Variants in NAV1 observed in about 807,000 individuals in gnomAD.
NAV1 encodes the protein pore membrane and/or filament interacting like protein 3.
Under a neutral mutation model 175.2 loss-of-function variants are expected in NAV1, and 18 were observed. That is an observed-to-expected ratio of 0.10 (90% CI 0.07 to 0.15). The LOEUF is 0.15. NAV1 is among the 10% of genes least tolerant of loss of function. The probability of loss-of-function intolerance (pLI) is 1.00; values close to 1 mark genes in which losing one functional copy is unlikely to be tolerated. For synonymous variants in NAV1, 897 were observed against 978.7 expected, an observed-to-expected ratio of 0.92 and a Z score of 1.56; for missense variants, 1,731 against 2,436.6, an observed-to-expected ratio of 0.71 and a Z score of 6.10.
intron 1 of NAV1, among the ~76,000 whole-genome samples, chr1:201,689,961 G>A (rs1303760162): frequency 3.3e-5 from 5 of 151,714 alleles, no homozygotes; most frequent in South Asian, 2.1e-4. Flanking sequence ...GCCTGTCTGT[G>A]GCAGAATGCT....
At chr1:201,544,263 A>G (rs536119020) in intron 1 of NAV1, among the ~76,000 whole-genome samples, 2 of 152,262 alleles carry the variant, frequency 1.3e-5, no homozygotes, top group African/African-American at 4.8e-5. Flanking sequence ...GGTTAGAACT[A>G]CTCAATGGTT....
At chr1:201,640,841 G>A (rs1408984765) in intron 2 of NAV1, among the ~76,000 whole-genome samples, 1 of 152,128 alleles carries the variant, frequency 6.6e-6, no homozygotes, top group African/African-American at 2.4e-5. Flanking sequence ...TTAATCAATC[G>A]TCATTCACCA....
chr1:201,603,080 C>A (rs1558014512), intron 2 of NAV1, among the ~76,000 whole-genome samples: 1 of 152,200 alleles, frequency 6.6e-6, no homozygotes, highest in Non-Finnish European at 1.5e-5. Context: ...TGGCGTGAAC[C>A]TAGAAGCTGG....
chr1:201,676,887 T>G (rs977094294), intron 1 of NAV1, among the ~76,000 whole-genome samples: 1 of 152,172 alleles, frequency 6.6e-6, no homozygotes, highest in African/African-American at 2.4e-5. Context: ...CATTCTTGAT[T>G]GTCTTTAAAC....
Position 201,539,246 on chromosome 1 carries a change from T to C in NAV1, c.-240T>C, listed in dbSNP as rs889606117. ...TGGGGAGCCCCGGGAAACTTTGTGC[T>C]CGCGAGAAGCGGACCCCGCACCCGC... On this transcript the variant is annotated 5_prime_UTR_variant, in exon 1 of 34. Transcript: ENST00000685211. This position sits in a 1 kb window ranked among gnomAD's most constrained non-coding sequence, Gnocchi z 5.6. Among the ~76,000 whole-genome samples the C allele has an allele frequency of 1.2e-4, 19 of 152,204 alleles. No homozygotes were observed. The highest frequency in any genetic ancestry group is 4.3e-4 in the African/African-American group (18 of 41,552).
intron 3 of NAV1, chr1:201,733,540 G>T (rs1480782683): frequency 6.6e-6 from 1 of 152,054 alleles, no homozygotes; most frequent in Non-Finnish European, 1.5e-5. Context: ...GAGAGAAAAA[G>T]AAATGGCAAA....
intron 7 of NAV1, 89 bp downstream of exon 11, chr1:201,783,941 A>G: frequency 7.8e-7 from 1 of 1,275,546 alleles, no homozygotes; most frequent in African/African-American, 1.5e-5. Context: ...TTTTATTGCC[A>G]TTTTGTGACT....
In NAV1 at chr1:201,627,598, C is replaced by G. The variant is rs116691894; in HGVS notation, c.-100-1806C>G. Among the ~76,000 whole-genome samples the G allele has an allele frequency of 1.9e-3, 280 of 148,102 alleles. 1 individual carries two copies. The highest frequency in any genetic ancestry group is 6.5e-3 in the African/African-American group (261 of 40,052). On this transcript the variant is annotated intron_variant, in intron 1 of 29. Transcript: ENST00000367302. ...CGTCTGCCTATTCTTATTTTTAACA[C>G]TGGTTATTGCATACCTGCTCTGGCC... is the stretch of plus-strand genomic sequence containing the variant.
chr1:201,550,216 G>A (rs1307211548), intron 1 of NAV1, among the ~76,000 whole-genome samples: 1 of 151,936 alleles, frequency 6.6e-6, no homozygotes, highest in African/African-American at 2.4e-5. Flanking sequence ...CTGTTGCCCA[G>A]GCTGGAGTGC....
chr1:201,598,516 G>A (rs921130589), intron 2 of NAV1, among the ~76,000 whole-genome samples: 2 of 152,228 alleles, frequency 1.3e-5, no homozygotes, highest in African/African-American at 2.4e-5. Context: ...GTGTCCTGGT[G>A]AGGAATCGGA....
intron 7 of NAV1, among the ~76,000 whole-genome samples, chr1:201,784,806 G>A (rs773756370): frequency 1.3e-5 from 2 of 151,596 alleles, no homozygotes; most frequent in Non-Finnish European, 2.9e-5. Context: ...TTGCTCTGTC[G>A]CCCAGGCTGG....
chr1:201,653,502 G>A (rs534389115), intron 1 of NAV1, among the ~76,000 whole-genome samples: 2 of 152,098 alleles, frequency 1.3e-5, no homozygotes, highest in African/African-American at 4.8e-5. Context: ...AATTTTTTGG[G>A]GGGGAGGGGC....
intron 1 of NAV1, among the ~76,000 whole-genome samples, chr1:201,655,006 G>A (rs1669344548): frequency 6.6e-6 from 1 of 152,082 alleles, no homozygotes; most frequent in Non-Finnish European, 1.5e-5. Flanking sequence ...TCTTATATTT[G>A]GGGTCAGACA....
chr1:201,624,328 C>T (rs1161993681), intron 1 of NAV1, among the ~76,000 whole-genome samples: 2 of 143,342 alleles, frequency 1.4e-5, no homozygotes, highest in Admixed American at 1.4e-4. Context: ...AACGCTTAGT[C>T]AACTACGCTT....
intron 1 of NAV1, among the ~76,000 whole-genome samples, chr1:201,550,010 C>CAAA (rs1186985996): frequency 8.5e-4 from 15 of 17,680 alleles, no homozygotes; most frequent in Non-Finnish European, 1.2e-3. Context: ...GACTCCATCT[C>CAAA]AAAAAAAAAA....
chr1:201,613,846 C>T (rs183043359), intron 2 of NAV1, among the ~76,000 whole-genome samples: 84 of 152,050 alleles, frequency 5.5e-4, no homozygotes, highest in African/African-American at 1.4e-3. Flanking sequence ...TGGGTGACAG[C>T]GCAAGGCTCA....
chr1:201,783,365 T>C (rs1676462636), intron 6 of NAV1, 41 bp from the exon 11 acceptor site: 1 of 1,583,330 alleles, frequency 6.3e-7, no homozygotes, highest in Non-Finnish European at 8.6e-7. Context: ...TCTCACTCTG[T>C]AATTCTATTA....
chr1:201,612,210 G>A lies in NAV1; in HGVS notation c.-32-10643G>A, dbSNP rs186353294. ...TCATGCCTATAATGCCCAGCACTTT[G>A]GGAGGCTGAGGCAGGAGGATTGCTT... On this transcript the variant is annotated intron_variant, in intron 2 of 33. Transcript: ENST00000685211. Among the ~76,000 whole-genome samples, 421 of 152,290 alleles carry A rather than the reference G, an allele frequency of 2.8e-3. 7 individuals carry two copies. Among genetic ancestry groups the A allele is most frequent in the Non-Finnish European group, 5.6e-4 (38 of 68,018 alleles).
chr1:201,777,886 G>T (rs1676061801), intron 3 of NAV1, among the ~76,000 whole-genome samples: 2 of 152,158 alleles, frequency 1.3e-5, no homozygotes, highest in Admixed American at 6.5e-5. Context: ...AATGAGCTGA[G>T]ATTATGCCAC....
Sources: gnomAD v4.1 joint callset for allele counts (sites outside exome capture counted in the v4.1 genomes callset) on GRCh38, gnomAD v4.1.1 for gene constraint, Gnocchi (gnomAD v3.1) non-coding constraint, MANE v1.5 for transcripts, NCBI Gene and HGNC (gene_info 2026-07-23, HGNC 2026-07-21) for gene names.